The following SOX6 variants were observed in gnomAD, a reference collection of about 807,000 sequenced individuals.
SOX6 encodes SRY-box transcription factor 6.
SOX6 carries 11 observed loss-of-function variants against 97.8 expected under a neutral mutation model. That is an observed-to-expected ratio of 0.11 (90% CI 0.07 to 0.19). SOX6 has a LOEUF of 0.19. Among genes scored for constraint, SOX6 ranks in the 10% least tolerant of loss-of-function variants. The probability of loss-of-function intolerance (pLI) is 1.00; values close to 1 mark genes in which losing one functional copy is unlikely to be tolerated. For missense variants in SOX6, 810 were observed against 1,039.5 expected, an observed-to-expected ratio of 0.78 and a Z score of 3.04; for synonymous variants, 360 against 371.4, an observed-to-expected ratio of 0.97 and a Z score of 0.35.
At chr11:16,067,968 C>A (rs969394016) in intron 9 of SOX6, among the ~76,000 whole-genome samples, 1 of 152,178 alleles carries the variant, frequency 6.6e-6, no homozygotes, top group Non-Finnish European at 1.5e-5. Flanking sequence ...TTATATTTAT[C>A]CCCATTTGCT....
intron 1 of SOX6, among the ~76,000 whole-genome samples, chr11:16,468,732 G>T (rs1466677861): frequency 6.6e-6 from 1 of 152,078 alleles, no homozygotes; most frequent in Non-Finnish European, 1.5e-5. Context: ...GAGTTGAAAA[G>T]TAAACCAAGA....
rs1233516312 is a variant in SOX6 at position 16,610,224 on chromosome 11, G to T, written n.609+1857C>A. On this transcript the variant is annotated intron_variant and non_coding_transcript_variant, in intron 4 of 5. Coordinates refer to the SOX6 transcript ENST00000524520. This position sits in a 1 kb window ranked among gnomAD's most constrained non-coding sequence, Gnocchi z 4.4. ...TAAAGAGGTCATCATTGAAGGACCT[G>T]TCCTAAATGCCTGCAGAGAGGAGAC... is the stretch of plus-strand genomic sequence containing the variant. 6.6e-6 allele frequency among the ~76,000 whole-genome samples: 1 copy of T among 152,234 alleles called. No individual in the cohort carries two copies. Among genetic ancestry groups the T allele is most frequent in the Non-Finnish European group, 1.5e-5 (1 of 68,042 alleles).
chr11:16,140,356 C>T (rs1850097851), intron 6 of SOX6, among the ~76,000 whole-genome samples: 1 of 152,106 alleles, frequency 6.6e-6, no homozygotes, highest in South Asian at 2.1e-4. Context: ...GTTCCTACTT[C>T]CTTTTAATTA....
chr11:15,977,111 C>G (rs1853509314), intron 15 of SOX6, among the ~76,000 whole-genome samples: 1 of 152,078 alleles, frequency 6.6e-6, no homozygotes, highest in Non-Finnish European at 1.5e-5. Flanking sequence ...TTATCTACCC[C>G]CTGCCTGATC....
chr11:16,722,882 C>T (rs11024025), intron 2 of SOX6, among the ~76,000 whole-genome samples: 82,254 of 152,014 alleles, frequency 0.54, 22,916 homozygotes, highest in Admixed American at 0.63. Context: ...CTGGTGGGAG[C>T]GTAAATTAGC....
At chr11:16,045,958 T>C (rs1312431299) in intron 12 of SOX6, among the ~76,000 whole-genome samples, 2 of 152,222 alleles carry the variant, frequency 1.3e-5, no homozygotes, top group Non-Finnish European at 2.9e-5. Flanking sequence ...GGAAAGCAGG[T>C]GTCTTTGTCA....
At chr11:16,008,291 G>T (rs1350493396) in intron 13 of SOX6, among the ~76,000 whole-genome samples, 1 of 152,062 alleles carries the variant, frequency 6.6e-6, no homozygotes, top group Non-Finnish European at 1.5e-5. Context: ...TGCAGAACTT[G>T]CAGATACAGA....
Position 16,033,039 on chromosome 11 carries a change from G to A in SOX6, c.1623+13475C>T, listed in dbSNP as rs181131209. Among the ~76,000 whole-genome samples the A allele has an allele frequency of 1.4e-3, 216 of 152,052 alleles. 3 individuals are homozygous for A. The highest frequency in any genetic ancestry group is 5.0e-3 in the African/African-American group (209 of 41,460). The stretch of plus-strand genomic sequence containing the variant: ...CCTCTATTGTCTGGTTCCTTTTCAT[G>A]GATCTGTCTTACCTCCCAAATCAGA... On this transcript the variant is annotated intron_variant, in intron 12 of 15. Transcript: ENST00000683767.
intron 6 of SOX6, among the ~76,000 whole-genome samples, chr11:16,119,534 C>G (rs1315813746): frequency 3.3e-5 from 5 of 152,166 alleles, no homozygotes; most frequent in Non-Finnish European, 7.3e-5. Context: ...CATCTCTCAG[C>G]AAGTAAGTTG....
chr11:16,252,595 T>C (rs1853547921), intron 3 of SOX6: 1 of 152,280 alleles, frequency 6.6e-6, no homozygotes, highest in Non-Finnish European at 1.5e-5. Flanking sequence ...TCCCGTGTGA[T>C]TCCAGCAGGG....
At chr11:16,657,356 G>C (rs1847730834) in intron 3 of SOX6, among the ~76,000 whole-genome samples, 1 of 152,274 alleles carries the variant, frequency 6.6e-6, no homozygotes. Context: ...ACCTGCTGCA[G>C]GATATCTTGA....
Position 16,343,934 on chromosome 11 carries a change from A to C in SOX6, c.-4-2682T>G, listed in dbSNP as rs1472124754. Among the ~76,000 whole-genome samples the C allele has an allele frequency of 4.6e-5, 7 of 152,044 alleles. No homozygotes were observed. The East Asian group carries it at 1.2e-3, about 25-fold the overall frequency. On this transcript the variant is annotated intron_variant, in intron 1 of 15. Transcript: ENST00000683767. ...GCCAAAAAAAGCAATATTAAATCTG[A>C]GTGTTCATTCTCAGTTCACACTATC...
intron 3 of SOX6, among the ~76,000 whole-genome samples, chr11:16,647,820 T>C (rs1311240889): frequency 1.3e-5 from 2 of 151,898 alleles, no homozygotes; most frequent in Admixed American, 1.3e-4. Context: ...AATATAAAAA[T>C]AGAAGTAGCA....
At chr11:16,175,578 T>C (rs1053249307) in intron 6 of SOX6, among the ~76,000 whole-genome samples, 2 of 151,948 alleles carry the variant, frequency 1.3e-5, no homozygotes, top group African/African-American at 4.8e-5. Flanking sequence ...CTTTTGTTTA[T>C]ATGTACAAAT....
chr11:16,376,341 G>A (rs976176943), intron 1 of SOX6, among the ~76,000 whole-genome samples: 2 of 151,972 alleles, frequency 1.3e-5, no homozygotes, highest in Non-Finnish European at 2.9e-5. Context: ...GCAAGGAGTG[G>A]GAGTAGAGAT....
At chr11:16,724,650 T>C (rs1310928263) in intron 2 of SOX6, among the ~76,000 whole-genome samples, 1 of 152,194 alleles carries the variant, frequency 6.6e-6, no homozygotes, top group African/African-American at 2.4e-5. Flanking sequence ...TTCAGGTGAT[T>C]CCAATGCCCA....
chr11:16,043,862 T>C (rs1336549810), intron 12 of SOX6, among the ~76,000 whole-genome samples: 1 of 152,054 alleles, frequency 6.6e-6, no homozygotes, highest in Non-Finnish European at 1.5e-5. Context: ...CAAGGTCATG[T>C]CCTCTTCCCA....
chr11:16,020,715 C>T (rs1299969486), intron 12 of SOX6, among the ~76,000 whole-genome samples: 1 of 152,098 alleles, frequency 6.6e-6, no homozygotes, highest in Non-Finnish European at 1.5e-5. Context: ...TACAAAAAGT[C>T]TTAGTTTTGC....
chr11:16,679,011 T>C (rs575682810), intron 3 of SOX6, among the ~76,000 whole-genome samples: 8 of 152,342 alleles, frequency 5.3e-5, no homozygotes, highest in African/African-American at 1.4e-4. Context: ...ACTGCCTCTC[T>C]AGATTCCACC....
Sources: allele counts gnomAD v4.1 joint callset (sites outside exome capture counted in the v4.1 genomes callset), GRCh38; gene constraint gnomAD v4.1.1; non-coding constraint Gnocchi (gnomAD v3.1); transcripts MANE v1.5; gene names NCBI Gene and HGNC (gene_info 2026-07-23, HGNC 2026-07-21).